FOCAD: variants seen among roughly 807,000 people sequenced by gnomAD.
The protein encoded by FOCAD is KIAA1797.
FOCAD carries 198 observed loss-of-function variants against 225.6 expected under a neutral mutation model. That is an observed-to-expected ratio of 0.88 (90% CI 0.78 to 0.99). The LOEUF (loss-of-function observed/expected upper bound fraction) is 0.99, where lower values mean the gene tolerates loss of function less well. Ranked by LOEUF, FOCAD falls within the 50% of genes least tolerant of loss-of-function variation. The pLI is 0.00. For synonymous variants in FOCAD, 897 were observed against 755.0 expected (o/e 1.19, Z -3.08); for missense variants, 2,713 against 2,123.6 (o/e 1.28, Z -5.46).
At chr9:20,684,603 T>A (rs3802504) in intron 1 of FOCAD, 27,541 of 152,678 alleles carry the variant, frequency 0.18, 2,547 homozygotes, top group African/African-American at 0.19. Flanking sequence ...GCGGTGGGAC[T>A]TAGTGGGATC....
At chr9:20,983,673 C>G (rs1182500615) in intron 39 of FOCAD, among the ~76,000 whole-genome samples, 2 of 151,996 alleles carry the variant, frequency 1.3e-5, no homozygotes, top group African/African-American at 4.8e-5. Flanking sequence ...AGGATGGACT[C>G]TGGAGCCTCA....
At chr9:20,926,259 TG>T in intron 25 of FOCAD, 41 bp from the exon 26 acceptor site, 2 of 1,148,268 alleles carry the variant, frequency 1.7e-6, no homozygotes, top group Non-Finnish European at 2.6e-6. Flanking sequence ...TCTTTAGATT[TG>T]TTTTCTCTGT....
chr9:20,765,135 A>G, intron 7 of FOCAD, 62 bp downstream of exon 7: 1 of 1,419,968 alleles, frequency 7.0e-7, no homozygotes. Flanking sequence ...TTATTGTCAT[A>G]GACAAAGTAG....
intron 4 of FOCAD, among the ~76,000 whole-genome samples, chr9:20,736,488 C>A (rs1174697434): frequency 2.0e-5 from 3 of 151,228 alleles, no homozygotes; most frequent in Admixed American, 2.0e-4. Flanking sequence ...ATAACAAAGA[C>A]TTGAAAACAA....
At chr9:20,948,671 A>G (rs866907022) in intron 31 of FOCAD, among the ~76,000 whole-genome samples, 180 bp from the exon 32 acceptor site, 1 of 152,150 alleles carries the variant, frequency 6.6e-6, no homozygotes, top group Non-Finnish European at 1.5e-5. Context: ...TGATCTAACA[A>G]CCTTAATCTG....
chr9:20,751,681 G>T, intron 5 of FOCAD, among the ~76,000 whole-genome samples: 1 of 148,774 alleles, frequency 6.7e-6, no homozygotes, highest in African/African-American at 2.5e-5. Context: ...CCAGTAATGG[G>T]ATGACTGGGT....
chr9:20,823,812 A>G (rs542143829), intron 15 of FOCAD, among the ~76,000 whole-genome samples: 1 of 152,244 alleles, frequency 6.6e-6, no homozygotes, highest in South Asian at 2.1e-4. Context: ...GTTGATAATG[A>G]TAGTAATGAA....
In FOCAD at chr9:20,776,098, T is replaced by C. The variant is rs972396338; in HGVS notation, c.907-2583T>C. Among the ~76,000 whole-genome samples, 55 of 152,072 alleles carry C rather than the reference T, an allele frequency of 3.6e-4. 1 individual carries two copies. Among genetic ancestry groups the C allele is most frequent in the Non-Finnish European group, 8.8e-5 (6 of 68,020 alleles). On this transcript the variant is annotated intron_variant, in intron 8 of 43. Transcript: ENST00000338382. ...GAAGTATGGAAGGTGGGAGAGGCAA[T>C]ACAGGCATCATCAAGTAGGCTACTG... is the stretch of plus-strand genomic sequence containing the variant.
At chr9:20,765,178 C>G in intron 7 of FOCAD, 105 bp downstream of exon 7, 2 of 942,782 alleles carry the variant, frequency 2.1e-6, no homozygotes, top group Non-Finnish European at 3.1e-6. Flanking sequence ...CAAACTCAGA[C>G]ATGATCCTCG....
chr9:20,760,180 A>C (rs1373299336), intron 6 of FOCAD, among the ~76,000 whole-genome samples: 1 of 152,090 alleles, frequency 6.6e-6, no homozygotes, highest in Admixed American at 6.6e-5. Flanking sequence ...TATCATTCCC[A>C]TGCTTAAGTC....
intron 6 of FOCAD, among the ~76,000 whole-genome samples, chr9:20,758,637 T>C (rs1829288111): frequency 6.6e-6 from 1 of 152,018 alleles, no homozygotes; most frequent in South Asian, 2.1e-4. Flanking sequence ...GTTCTTGTGA[T>C]AGTTTACTGA....
chr9:20,983,983 C>G (rs1246172844), intron 39 of FOCAD, among the ~76,000 whole-genome samples: 1 of 152,136 alleles, frequency 6.6e-6, no homozygotes, highest in Non-Finnish European at 1.5e-5. Context: ...GTACCTAGAG[C>G]TGAAGGTTGC....
chr9:20,660,469 A>G (rs1259277703), intron 2 of FOCAD, among the ~76,000 whole-genome samples: 2 of 152,214 alleles, frequency 1.3e-5, no homozygotes, highest in East Asian at 3.8e-4. Flanking sequence ...TGTAGTTGGT[A>G]GTTAAAATTA....
At chr9:20,919,688 C>T (rs557154503) in intron 24 of FOCAD, among the ~76,000 whole-genome samples, 4 of 152,208 alleles carry the variant, frequency 2.6e-5, no homozygotes, top group African/African-American at 9.6e-5. Context: ...CTTTGACAAA[C>T]CTGAGAAAAA....
chr9:20,925,563 A>G (rs1383482303), intron 25 of FOCAD, among the ~76,000 whole-genome samples: 1 of 152,210 alleles, frequency 6.6e-6, no homozygotes, highest in African/African-American at 2.4e-5. Flanking sequence ...TCAAACCTGC[A>G]TGTGACCACC....
Position 20,976,516 on chromosome 9 carries a change from C to T in FOCAD, c.4229C>T (p.Ala1410Val), listed in dbSNP as rs1163999096. ...CAATATCCTCCTGTGAACTGGGCTG[C>T]ACTTCTCTCTCCACTTATGAGGCTA... ...SYQYPPVNWA[A>V]LLSPLMRLNF... The change falls in exon 36 of 44, where the codon GCA (alanine) becomes GTA (valine). Residue 1410 changes from alanine (A) to valine (V), a missense_variant. Physicochemically the swap from Ala to Val is moderately conservative, Grantham distance 64. Transcript: ENST00000338382. The T allele has an allele frequency of 1.2e-6, 2 of 1,613,268 alleles. No individual in the cohort carries two copies. The highest frequency in any genetic ancestry group is 2.2e-5 in the East Asian group (1 of 44,858).
At chr9:20,920,882 G>A (rs995576822) in intron 24 of FOCAD, among the ~76,000 whole-genome samples, 7 of 151,168 alleles carry the variant, frequency 4.6e-5, no homozygotes, top group Non-Finnish European at 8.9e-5. Flanking sequence ...GTTAGTGGGT[G>A]CAGCACACCA....
Position 20,988,350 on chromosome 9 carries a change from A to G in FOCAD, c.4925A>G (p.Glu1642Gly). The change falls in exon 41 of 44, where the codon GAG (glutamate) becomes GGG (glycine). Residue 1642 changes from glutamate to glycine, a missense_variant. By Grantham distance (98) the Glu-to-Gly change is moderately conservative. Transcript: ENST00000338382. The part of the protein sequence containing the change: ...HANTGVLKRM[E>G]WLLELMGYIR... ...ATTTCAGGCGTTTTGAAGAGAATGG[A>G]GTGGCTCTTGGAACTGATGGGTTAT... 6.2e-7 allele frequency: 1 copy of G among 1,609,290 alleles called. No individual in the cohort carries two copies. Among genetic ancestry groups the G allele is most frequent in the Non-Finnish European group, 8.5e-7 (1 of 1,176,970 alleles).
intron 1 of FOCAD, among the ~76,000 whole-genome samples, chr9:20,698,072 T>TA (rs1431477585): frequency 6.6e-6 from 1 of 152,252 alleles, no homozygotes; most frequent in African/African-American, 2.4e-5. Flanking sequence ...TAGAGAATGA[T>TA]AAAAAACCAT....
Sources: allele counts gnomAD v4.1 joint callset (sites outside exome capture counted in the v4.1 genomes callset), GRCh38; gene constraint gnomAD v4.1.1; transcripts MANE v1.5; gene names NCBI Gene and HGNC (gene_info 2026-07-23, HGNC 2026-07-21).